EPB41L4B: variants seen among roughly 807,000 people sequenced by gnomAD.
EPB41L4B encodes band 4.1-like protein 4B.
EPB41L4B carries 30 observed loss-of-function variants against 112.5 expected under a neutral mutation model. That is an observed-to-expected ratio of 0.27 (90% confidence interval 0.20 to 0.36). The LOEUF (loss-of-function observed/expected upper bound fraction) is 0.36. Ranked by LOEUF, EPB41L4B falls within the 10% of genes least tolerant of loss-of-function variation. The pLI is 1.00. For synonymous variants in EPB41L4B, 408 were observed against 439.7 expected, an observed-to-expected ratio of 0.93 and a Z score of 0.90; for missense variants, 1,024 against 1,133.3, an observed-to-expected ratio of 0.90 and a Z score of 1.38.
chr9:109,207,934 A>C lies in EPB41L4B; in HGVS notation c.1868T>G (p.Val623Gly). ...LKAQLENASR[V>G]NIQGGKEESP... is the part of the protein sequence containing the mutation. Reference sequence around the variant, plus strand: ...ATGCATTCTGCGCACCTGGATGTTCACTCGGGAAGCATTTTCCAACTGGGC... The same window carrying C: ...ATGCATTCTGCGCACCTGGATGTTCCCTCGGGAAGCATTTTCCAACTGGGC... The change falls in exon 18 of 26, where the codon GTG becomes GGG. Residue 623 changes from valine (V) to glycine (G), a missense_variant. Transcript: ENST00000374566. The C allele has an allele frequency of 6.2e-7, 1 of 1,613,958 alleles. No homozygotes were observed. The highest frequency in any genetic ancestry group is 8.5e-7 in the Non-Finnish European group (1 of 1,179,986).
Position 109,320,311 on chromosome 9 carries a change from A to AGGC in EPB41L4B, c.133_135dup (p.Ala45dup), listed in dbSNP as rs1243151417. On this transcript the variant is annotated inframe_insertion, in exon 1 of 26. Coordinates refer to ENST00000374566, the MANE Select transcript of EPB41L4B (RefSeq NM_019114.5). ...GGCGCGGCGGGCAGCGCCGAGGAGG[A>AGGC]GGCGGCGGCGGCCGGGCCCCCCCGT... is the stretch of plus-strand genomic sequence containing the variant. 9.9e-7 allele frequency: 1 copy of AGGC among 1,013,132 alleles called. No homozygotes were observed. The highest frequency in any genetic ancestry group is 4.5e-5 in the South Asian group (1 of 22,314). 62.8% of individuals were successfully genotyped at this position (1,013,132 alleles called of 1,614,324 possible).
intron 15 of EPB41L4B, among the ~76,000 whole-genome samples, chr9:109,221,960 G>A (rs577883850): frequency 4.7e-4 from 72 of 152,276 alleles, no homozygotes; most frequent in African/African-American, 1.7e-3. Context: ...GCCCAACTCA[G>A]GGGGAAAGAG....
At chr9:109,296,871 C>CAA (rs748065925) in intron 1 of EPB41L4B, among the ~76,000 whole-genome samples, 33 of 69,460 alleles carry the variant, frequency 4.8e-4, no homozygotes, top group African/African-American at 1.2e-3. Flanking sequence ...GGCCATGTCT[C>CAA]AAAAAAAAAA....
At chr9:109,277,630 G>C (rs1835885039) in intron 2 of EPB41L4B, among the ~76,000 whole-genome samples, 1 of 152,192 alleles carries the variant, frequency 6.6e-6, no homozygotes, top group African/African-American at 2.4e-5. Flanking sequence ...GCTGGGACAA[G>C]CCACAGAGGA....
chr9:109,212,599 G>T (rs1833221041), intron 17 of EPB41L4B, among the ~76,000 whole-genome samples: 1 of 152,236 alleles, frequency 6.6e-6, no homozygotes, highest in African/African-American at 2.4e-5. Context: ...AGGGCAGGAG[G>T]TGTAACCTTC....
intron 1 of EPB41L4B, among the ~76,000 whole-genome samples, chr9:109,306,741 G>A (rs1345189589): frequency 6.6e-6 from 1 of 152,230 alleles, no homozygotes; most frequent in Non-Finnish European, 1.5e-5. Context: ...CTCCCCAGAA[G>A]ATTCTAAGCA....
At chr9:109,227,442 C>A (rs1317356507) in intron 15 of EPB41L4B, among the ~76,000 whole-genome samples, 1 of 152,124 alleles carries the variant, frequency 6.6e-6, no homozygotes, top group Non-Finnish European at 1.5e-5. Flanking sequence ...ACATATTTCT[C>A]TCCATTTACT....
chr9:109,192,756 A>G (rs944484177), intron 21 of EPB41L4B, among the ~76,000 whole-genome samples: 1 of 152,212 alleles, frequency 6.6e-6, no homozygotes, highest in Admixed American at 6.5e-5. Context: ...ACTAAGAGCA[A>G]TGATCTTCAT....
intron 24 of EPB41L4B, among the ~76,000 whole-genome samples, chr9:109,178,198 G>A (rs563573596): frequency 1.3e-5 from 2 of 152,052 alleles, no homozygotes; most frequent in East Asian, 3.9e-4. Flanking sequence ...TTATAGGTGT[G>A]AGCCACCATG....
rs372448469 is a variant in EPB41L4B, at chr9:109,273,705, C to T, written c.412-5272G>A. ...CACCTCAGAGCACGGGCACCTGAGCCTCAGTTTCAGCCCCTGTGAACAGAA... is the reference window on the plus strand; with the variant it reads ...CACCTCAGAGCACGGGCACCTGAGCTTCAGTTTCAGCCCCTGTGAACAGAA... On this transcript the variant is annotated intron_variant, in intron 2 of 25. Coordinates refer to ENST00000374566, the MANE Select transcript of EPB41L4B (RefSeq NM_019114.5). Among the ~76,000 whole-genome samples the T allele has an allele frequency of 3.3e-3, 503 of 152,292 alleles. 4 individuals carry two copies. The highest frequency in any genetic ancestry group is 0.011 in the African/African-American group (454 of 41,552).
In EPB41L4B at chr9:109,226,506, A is replaced by G. The variant is rs369529030; in HGVS notation, c.1410-9361T>C. 8.6e-5 allele frequency among the ~76,000 whole-genome samples: 13 copies of G among 151,628 alleles called. No individual in the cohort carries two copies. In the East Asian group the frequency reaches 1.2e-3, roughly 14 times the overall value. ...AGTTTTTTCAGCCCTTGTATAACCA[A>G]TTCCCTGAATTAAATTCCCTCTGTA... On this transcript the variant is annotated intron_variant, in intron 15 of 25. Transcript: ENST00000374566.
rs1382370935 is a variant in EPB41L4B at position 109,176,623 on chromosome 9, C to G, written c.2561G>C (p.Arg854Thr). The change falls in exon 25 of 26, where the codon AGG (arginine) becomes ACG (threonine). Residue 854 changes from arginine to threonine, a missense_variant. By Grantham distance (71) the Arg-to-Thr change is moderately conservative (BLOSUM62 -1). Transcript: ENST00000374566. The stretch of plus-strand genomic sequence containing the variant: ...TGTGGAGACGGTCTCTGTCAAAGGC[C>G]TCAGGGTCGCTGCTGGGATCAGCGG... ...TSPLIPAATL[R>T]PLTETVSTVQ... The G allele has an allele frequency of 3.1e-6, 5 of 1,614,020 alleles. No homozygotes were observed. Among genetic ancestry groups the G allele is most frequent in the Non-Finnish European group, 4.2e-6 (5 of 1,179,986 alleles).
chr9:109,206,687 T>C (rs1189411337), intron 18 of EPB41L4B, among the ~76,000 whole-genome samples: 9 of 152,196 alleles, frequency 5.9e-5, no homozygotes, highest in Admixed American at 1.3e-4. Flanking sequence ...CCACCAGGGA[T>C]ACCTGTTATG....
At chr9:109,312,042 C>A (rs1229622832) in intron 1 of EPB41L4B, among the ~76,000 whole-genome samples, 1 of 152,188 alleles carries the variant, frequency 6.6e-6, no homozygotes, top group Non-Finnish European at 1.5e-5. Context: ...CAAACCACAT[C>A]ACACACAGCA....
rs911250935 is a variant in EPB41L4B, at chr9:109,318,153, G to A, written c.306+1988C>T. Among the ~76,000 whole-genome samples, 9 of 16,030 alleles carry A rather than the reference G, an allele frequency of 5.6e-4. No homozygotes were observed. The East Asian group carries it at 0.011, about 19-fold the overall frequency. 10.5% of individuals were successfully genotyped at this position (16,030 alleles called of 152,430 possible). The stretch of plus-strand genomic sequence containing the variant: ...GCCTGTGGACAGGGGGCATATACGT[G>A]TGTGTGTGTGTGTGTGTGTGTGTGT... On this transcript the variant is annotated intron_variant, in intron 1 of 25. Coordinates refer to ENST00000374566, the MANE Select transcript of EPB41L4B (RefSeq NM_019114.5).
At chr9:109,227,936 T>A (rs1468565220) in intron 15 of EPB41L4B, among the ~76,000 whole-genome samples, 1 of 152,202 alleles carries the variant, frequency 6.6e-6, no homozygotes, top group Admixed American at 6.5e-5. Flanking sequence ...GACTTTAGGA[T>A]ATTTCTGCCT....
chr9:109,220,487 G>A (rs943075676), intron 15 of EPB41L4B, among the ~76,000 whole-genome samples: 11 of 152,224 alleles, frequency 7.2e-5, no homozygotes, highest in Non-Finnish European at 1.3e-4. Context: ...CTGCCGCAGG[G>A]CGGGATCTAG....
chr9:109,217,181 A>AGAAT (rs773261975), intron 15 of EPB41L4B, 36 bp from the exon 16 acceptor site: 7 of 1,599,712 alleles, frequency 4.4e-6, no homozygotes, highest in Non-Finnish European at 6.0e-6. Flanking sequence ...TTAGAAAAGC[A>AGAAT]GAATGCCTTG....
intron 19 of EPB41L4B, among the ~76,000 whole-genome samples, chr9:109,201,555 G>A (rs1187338994): frequency 1.3e-5 from 2 of 152,024 alleles, no homozygotes; most frequent in East Asian, 1.9e-4. Context: ...CTCAAGCTGC[G>A]ACTCCACAGT....
Sources: allele counts gnomAD v4.1 joint callset (sites outside exome capture counted in the v4.1 genomes callset), GRCh38; gene constraint gnomAD v4.1.1; transcripts MANE v1.5; gene names NCBI Gene and HGNC (gene_info 2026-07-23, HGNC 2026-07-21).